Variants in CDH13 observed in about 807,000 individuals in gnomAD.
The protein encoded by CDH13 is cadherin-13.
CDH13 carries 24 observed loss-of-function variants against 63.8 expected under a neutral mutation model. The ratio of observed to expected loss-of-function variants is 0.38; its 90% CI spans 0.27 to 0.53. The LOEUF (loss-of-function observed/expected upper bound fraction) is 0.53, where lower values mean the gene tolerates loss of function less well. CDH13 is among the 20% of genes least tolerant of loss of function. CDH13 has a pLI of 0.85. For missense variants in CDH13, 1,049 were observed against 903.1 expected (o/e 1.16, Z -2.07); for synonymous variants, 503 against 355.3 (o/e 1.42, Z -4.67).
At chr16:83,322,199 G>A (rs746194615) in intron 5 of CDH13, among the ~76,000 whole-genome samples, 9 of 152,204 alleles carry the variant, frequency 5.9e-5, no homozygotes, top group Non-Finnish European at 1.2e-4. Context: ...ACATTATGTC[G>A]ATGAGATTAG....
chr16:83,180,941 T>G lies in CDH13; in HGVS notation c.484-36404T>G, dbSNP rs1288560815. 5 of 1,532,656 alleles carry G rather than the reference T, an allele frequency of 3.3e-6. No homozygotes were observed. The East Asian group carries it at 9.8e-5, about 30-fold the overall frequency. The allele number at this position is 1,532,656 out of a possible 1,614,324, so 94.9% of individuals were successfully genotyped here. ...TTACAGCAGATTTAAATCCATGCAT[T>G]ACAATTTTAGCAATTTAATGAACAT... On this transcript the variant is annotated intron_variant, in intron 4 of 13. Coordinates refer to ENST00000567109, the MANE Select transcript of CDH13 (RefSeq NM_001257.5).
chr16:82,974,549 T>A lies in CDH13; in HGVS notation c.158-57461T>A, dbSNP rs76809134. Among the ~76,000 whole-genome samples the A allele has an allele frequency of 2.4e-4, 36 of 152,294 alleles. 1 individual carries two copies. The East Asian group carries it at 3.7e-3, about 16-fold the overall frequency. ...TTCTAATACCTAGAAACTGCAAATA[T>A]GTGACCTTGGGTGGCAAAAGGGACT... is the stretch of plus-strand genomic sequence containing the variant. On this transcript the variant is annotated intron_variant, in intron 2 of 13. Transcript: ENST00000567109.
At position 82,902,022 on chromosome 16, in the gene CDH13, T is replaced by G. The variant is rs1433363084; in HGVS notation, c.157+43549T>G. Among the ~76,000 whole-genome samples, 2 of 152,222 alleles carry G rather than the reference T, an allele frequency of 1.3e-5. 1 individual carries two copies. Among genetic ancestry groups the G allele is most frequent in the East Asian group, 3.9e-4 (2 of 5,192 alleles). On this transcript the variant is annotated intron_variant, in intron 2 of 13. Transcript: ENST00000567109. ...GACTTGTCCAAGGTCACATAGCTAT[T>G]ACGTGGCAGAGTCAAGACTCAAACA... is the stretch of plus-strand genomic sequence containing the variant.
chr16:83,569,760 G>T (rs1234173932), intron 7 of CDH13, among the ~76,000 whole-genome samples: 1 of 152,004 alleles, frequency 6.6e-6, no homozygotes, highest in African/African-American at 2.4e-5. Context: ...TGTTTGAGAT[G>T]GAGTCTCACT....
intron 1 of CDH13, among the ~76,000 whole-genome samples, chr16:82,799,293 G>A (rs939913658): frequency 6.6e-6 from 1 of 152,192 alleles, no homozygotes; most frequent in African/African-American, 2.4e-5. Flanking sequence ...ACTCATGAAA[G>A]TTGGTCTTGA....
chr16:83,181,067 G>C, intron 4 of CDH13: 1 of 1,415,014 alleles, frequency 7.1e-7, no homozygotes, highest in Non-Finnish European at 9.4e-7. Flanking sequence ...AGAATGATGT[G>C]TTTAAATAAA....
intron 4 of CDH13, among the ~76,000 whole-genome samples, chr16:83,169,867 G>A (rs955722356): frequency 6.6e-6 from 1 of 152,108 alleles, no homozygotes; most frequent in South Asian, 2.1e-4. Flanking sequence ...CAAAATCAAA[G>A]TCACATGAAT....
chr16:83,526,825 G>A (rs1464805350), intron 7 of CDH13, among the ~76,000 whole-genome samples: 2 of 152,158 alleles, frequency 1.3e-5, no homozygotes, highest in Non-Finnish European at 2.9e-5. Flanking sequence ...TCTTGAAGCA[G>A]GCAGGCAGAC....
intron 7 of CDH13, among the ~76,000 whole-genome samples, chr16:83,504,273 C>T (rs1459175627): frequency 2.6e-5 from 4 of 152,330 alleles, no homozygotes; most frequent in Admixed American, 6.5e-5. Context: ...TGTTCACAAC[C>T]TCCAGCCCCT....
At chr16:83,225,860 G>T (rs1281609128) in intron 5 of CDH13, among the ~76,000 whole-genome samples, 2 of 152,098 alleles carry the variant, frequency 1.3e-5, no homozygotes, top group African/African-American at 4.8e-5. Flanking sequence ...TCATAATTAG[G>T]AATTAATATA....
At chr16:82,707,510 T>C (rs2031586309) in intron 1 of CDH13, among the ~76,000 whole-genome samples, 1 of 152,102 alleles carries the variant, frequency 6.6e-6, no homozygotes, top group Non-Finnish European at 1.5e-5. Flanking sequence ...ACAGGCAAAA[T>C]ATTTTTCCTT....
intron 3 of CDH13, among the ~76,000 whole-genome samples, chr16:83,121,513 G>C (rs2035573937): frequency 6.6e-6 from 1 of 152,216 alleles, no homozygotes; most frequent in Non-Finnish European, 1.5e-5. Context: ...TATTATAGTA[G>C]TTTAGAGTAG....
chr16:82,877,711 C>T (rs1455935530), intron 2 of CDH13, among the ~76,000 whole-genome samples: 1 of 151,992 alleles, frequency 6.6e-6, no homozygotes, highest in East Asian at 1.9e-4. Flanking sequence ...TGCAAAAATA[C>T]CCCAGAATCT....
At chr16:83,745,731 C>T (rs1264583614) in intron 10 of CDH13, among the ~76,000 whole-genome samples, 1 of 152,184 alleles carries the variant, frequency 6.6e-6, no homozygotes, top group Non-Finnish European at 1.5e-5. Context: ...ACCTTTAAGT[C>T]ATGGACAAGG....
At chr16:83,427,873 AGGGCCGTGAAGATGTTCCTT>A (rs2071960593) in intron 6 of CDH13, among the ~76,000 whole-genome samples, 1 of 152,180 alleles carries the variant, frequency 6.6e-6, no homozygotes, top group South Asian at 2.1e-4. Context: ...GACTCCTTTC[AGGGCCGTGAAGATGTTCCTT>A]GGACCCAGGC....
chr16:83,765,305 C>T (rs1914292153), intron 11 of CDH13, among the ~76,000 whole-genome samples: 1 of 146,238 alleles, frequency 6.8e-6, no homozygotes, highest in Admixed American at 7.0e-5. Context: ...AATTATTTCC[C>T]TTTTTTTCTT....
intron 1 of CDH13, among the ~76,000 whole-genome samples, chr16:82,633,044 G>C (rs981861727): frequency 6.6e-6 from 1 of 152,136 alleles, no homozygotes; most frequent in African/African-American, 2.4e-5. Context: ...GTGCTGGGGG[G>C]CCATTATAAA....
At chr16:83,349,854 G>A (rs916469298) in intron 6 of CDH13, among the ~76,000 whole-genome samples, 6 of 152,030 alleles carry the variant, frequency 3.9e-5, no homozygotes, top group Non-Finnish European at 8.8e-5. Context: ...GCCCACCTTG[G>A]CCTCCCAAAT....
At chr16:83,385,414 C>G (rs1346090640) in intron 6 of CDH13, among the ~76,000 whole-genome samples, 3 of 152,164 alleles carry the variant, frequency 2.0e-5, no homozygotes, top group East Asian at 3.8e-4. Context: ...TTGCTATAGG[C>G]AAGGTGGCCT....
Sources: gnomAD v4.1 joint callset for allele counts (sites outside exome capture counted in the v4.1 genomes callset) on GRCh38, gnomAD v4.1.1 for gene constraint, MANE v1.5 for transcripts, NCBI Gene and HGNC (gene_info 2026-07-23, HGNC 2026-07-21) for gene names.